Variants in RBFOX2 observed in about 807,000 individuals in gnomAD.
RBFOX2 encodes RNA binding protein fox-1 homolog 2.
A neutral mutation model predicts 49.1 loss-of-function variants in RBFOX2; 10 were observed. The observed-to-expected ratio is 0.20, with a 90% CI of 0.13 to 0.35. The LOEUF (loss-of-function observed/expected upper bound fraction) is 0.35. RBFOX2 is among the 10% of genes least tolerant of loss of function. The probability of loss-of-function intolerance (pLI) is 1.00; values close to 1 mark genes in which losing one functional copy is unlikely to be tolerated. For missense variants in RBFOX2, 323 were observed against 486.9 expected, an observed-to-expected ratio of 0.66 and a Z score of 3.17; for synonymous variants, 183 against 187.4, an observed-to-expected ratio of 0.98 and a Z score of 0.19.
chr22:35,907,116 AG>A (rs959546062), intron 1 of RBFOX2, among the ~76,000 whole-genome samples: 2 of 152,212 alleles, frequency 1.3e-5, no homozygotes, highest in Admixed American at 6.5e-5. Context: ...TCACTCTGAT[AG>A]GCCCTGGAGC....
chr22:35,932,195 G>A (rs897511653), intron 1 of RBFOX2, among the ~76,000 whole-genome samples: 3 of 151,576 alleles, frequency 2.0e-5, no homozygotes, highest in Non-Finnish European at 4.4e-5. Flanking sequence ...CAAGCCAAAT[G>A]AGCACTACAG....
At chr22:36,024,031 T>C (rs755500261) in intron 1 of RBFOX2, among the ~76,000 whole-genome samples, 1 of 152,214 alleles carries the variant, frequency 6.6e-6, no homozygotes. Context: ...CTCCATTTAG[T>C]AAGCAGCCTT....
At chr22:35,794,791 T>G (rs928789738) in intron 2 of RBFOX2, among the ~76,000 whole-genome samples, 2 of 152,222 alleles carry the variant, frequency 1.3e-5, no homozygotes, top group Non-Finnish European at 2.9e-5. Context: ...TAATCCTTAC[T>G]ACTTCATCAT....
At chr22:35,937,375 C>T (rs2053205846) in intron 1 of RBFOX2, among the ~76,000 whole-genome samples, 1 of 152,164 alleles carries the variant, frequency 6.6e-6, no homozygotes, top group African/African-American at 2.4e-5. Flanking sequence ...AAGCTTCCAT[C>T]TTCAATATCA....
chr22:35,915,582 G>C lies in RBFOX2; in HGVS notation c.-34+23265C>G, dbSNP rs1356571902. ...AGCTGCTGAAAAGTGCATTCCCTTT[G>C]TTCTTACAGCCACAATGAAATTTTA... On this transcript the variant is annotated intron_variant, in intron 1 of 13. Coordinates refer to the RBFOX2 transcript ENST00000359369. 2.6e-5 allele frequency among the ~76,000 whole-genome samples: 4 copies of C among 152,164 alleles called. No individual in the cohort carries two copies. The East Asian group carries it at 7.7e-4, about 29-fold the overall frequency.
chr22:35,792,964 A>T (rs373380656), intron 2 of RBFOX2, among the ~76,000 whole-genome samples: 2 of 152,208 alleles, frequency 1.3e-5, no homozygotes. Context: ...GGGTCTCCCA[A>T]TGTTGCCCAG....
At chr22:35,909,539 A>C (rs2049528233) in intron 1 of RBFOX2, among the ~76,000 whole-genome samples, 1 of 152,226 alleles carries the variant, frequency 6.6e-6, no homozygotes, top group Non-Finnish European at 1.5e-5. Context: ...TTCTTCATTC[A>C]AAAGAAAAAT....
intron 1 of RBFOX2, among the ~76,000 whole-genome samples, chr22:35,833,775 T>C (rs1053887369): frequency 6.6e-6 from 1 of 152,184 alleles, no homozygotes; most frequent in African/African-American, 2.4e-5. Context: ...TTCTACAACA[T>C]GGACATTAAT....
chr22:36,001,188 C>T (rs28687142), intron 1 of RBFOX2, among the ~76,000 whole-genome samples: 3 of 8,674 alleles, frequency 3.5e-4, no homozygotes, highest in East Asian at 4.6e-3. Flanking sequence ...AAAACATACA[C>T]ACACACACAC....
chr22:35,795,534 T>C (rs1000225861), intron 2 of RBFOX2, among the ~76,000 whole-genome samples: 4 of 147,932 alleles, frequency 2.7e-5, no homozygotes, highest in African/African-American at 1.0e-4. Context: ...CTTCAACTGT[T>C]ATCAGATAAA....
At chr22:36,002,338 G>T (rs556358145) in intron 1 of RBFOX2, among the ~76,000 whole-genome samples, 1 of 152,050 alleles carries the variant, frequency 6.6e-6, no homozygotes, top group South Asian at 2.1e-4. Context: ...GACTGGAAAC[G>T]ACCTAAATGT....
chr22:35,801,836 C>T (rs1386282224), intron 2 of RBFOX2, among the ~76,000 whole-genome samples: 1 of 151,842 alleles, frequency 6.6e-6, no homozygotes, highest in Non-Finnish European at 1.5e-5. Flanking sequence ...AAAATAAGAT[C>T]AAATAAAATA....
rs1437917602 is a variant in RBFOX2 at position 35,886,200 on chromosome 22, A to AATTATACCCAG, written c.-34+52646_-34+52647insCTGGGTATAAT. On this transcript the variant is annotated intron_variant, in intron 1 of 13. Transcript: ENST00000359369. ...GAACACTTTGCTACCCAGACAGTTC[A>AATTATACCCAG]TTATACCTAGAATATCCAATTAACT... Among the ~76,000 whole-genome samples, 23 of 152,280 alleles carry AATTATACCCAG rather than the reference A, an allele frequency of 1.5e-4. No homozygotes were observed. In the East Asian group the frequency reaches 4.4e-3, roughly 29 times the overall value.
At chr22:35,854,552 C>T (rs1371547926) in intron 1 of RBFOX2, among the ~76,000 whole-genome samples, 1 of 151,630 alleles carries the variant, frequency 6.6e-6, no homozygotes, top group Non-Finnish European at 1.5e-5. Context: ...TATGATCATG[C>T]CACTGTACTC....
chr22:36,010,011 G>T (rs2058754385), intron 1 of RBFOX2, among the ~76,000 whole-genome samples: 1 of 151,962 alleles, frequency 6.6e-6, no homozygotes, highest in South Asian at 2.1e-4. Context: ...TCTCTTCTAA[G>T]GTAAAATCTA....
At chr22:35,915,039 C>G (rs890769852) in intron 1 of RBFOX2, among the ~76,000 whole-genome samples, 5 of 152,182 alleles carry the variant, frequency 3.3e-5, no homozygotes, top group South Asian at 2.1e-4. Flanking sequence ...CCCTCCTCCC[C>G]CTTTGCCATT....
chr22:36,028,513 C>T, exon 1 of RBFOX2: 20 of 1,022,886 alleles, frequency 2.0e-5, no homozygotes, highest in Non-Finnish European at 2.3e-5. Flanking sequence ...TCGCGACAGG[C>T]GGGCGCGCGC....
chr22:35,909,772 C>T (rs904507904), intron 1 of RBFOX2, among the ~76,000 whole-genome samples: 8 of 152,148 alleles, frequency 5.3e-5, no homozygotes, highest in African/African-American at 1.4e-4. Context: ...CCACCATGCC[C>T]GGTTAATGTT....
At chr22:35,892,447 C>G (rs539691370) in intron 1 of RBFOX2, among the ~76,000 whole-genome samples, 1 of 152,276 alleles carries the variant, frequency 6.6e-6, no homozygotes, top group East Asian at 1.9e-4. Flanking sequence ...TCTCAGAGTT[C>G]TAGACACACA....
Sources: allele counts gnomAD v4.1 joint callset (sites outside exome capture counted in the v4.1 genomes callset), GRCh38; gene constraint gnomAD v4.1.1; transcripts MANE v1.5; gene names NCBI Gene and HGNC (gene_info 2026-07-23, HGNC 2026-07-21).